The following CHST11 variants were observed in gnomAD, a reference collection of about 807,000 sequenced individuals.
CHST11 encodes C4S-1.
In CHST11, 9 loss-of-function variants were observed where a neutral mutation model predicts 30.4. The ratio of observed to expected loss-of-function variants is 0.30; its 90% CI spans 0.18 to 0.52. CHST11 has a LOEUF of 0.52. Among genes scored for constraint, CHST11 ranks in the 20% least tolerant of loss-of-function variants. The probability of loss-of-function intolerance (pLI) is 0.97; values close to 1 mark genes in which losing one functional copy is unlikely to be tolerated. For synonymous variants in CHST11, 152 were observed against 187.8 expected, an observed-to-expected ratio of 0.81 and a Z score of 1.56; for missense variants, 348 against 460.6, an observed-to-expected ratio of 0.76 and a Z score of 2.24.
At chr12:104,502,284 C>T (rs149611090) in intron 1 of CHST11, among the ~76,000 whole-genome samples, 1 of 152,002 alleles carries the variant, frequency 6.6e-6, no homozygotes, top group African/African-American at 2.4e-5. Flanking sequence ...TGGCTTTAAG[C>T]GATTCTCCTG....
chr12:104,544,828 TA>T (rs1381223894), intron 1 of CHST11, among the ~76,000 whole-genome samples: 3 of 144,538 alleles, frequency 2.1e-5, no homozygotes, highest in African/African-American at 7.6e-5. Flanking sequence ...AAAATAATAC[TA>T]AAGTCATTTT....
At chr12:104,606,228 C>G (rs571532372) in intron 2 of CHST11, among the ~76,000 whole-genome samples, 1 of 151,696 alleles carries the variant, frequency 6.6e-6, no homozygotes, top group African/African-American at 2.4e-5. Context: ...TTGGAGGCCC[C>G]CACTGAAATC....
At chr12:104,514,770 G>A (rs527940982) in intron 1 of CHST11, among the ~76,000 whole-genome samples, 7 of 152,256 alleles carry the variant, frequency 4.6e-5, no homozygotes, top group South Asian at 2.1e-4. Flanking sequence ...CAAGTCACTC[G>A]TTACCCCAGG....
chr12:104,545,345 T>G (rs1295704126), intron 1 of CHST11, among the ~76,000 whole-genome samples: 1 of 152,194 alleles, frequency 6.6e-6, no homozygotes, highest in East Asian at 1.9e-4. Flanking sequence ...ACATCAGGTG[T>G]TGTGACCCAT....
At chr12:104,725,082 GC>G (rs1305923460) in intron 2 of CHST11, among the ~76,000 whole-genome samples, 1 of 152,044 alleles carries the variant, frequency 6.6e-6, no homozygotes, top group Non-Finnish European at 1.5e-5. Context: ...TAAGCCCAGC[GC>G]CCCCATTTTG....
chr12:104,717,638 G>A (rs181414510), intron 2 of CHST11, among the ~76,000 whole-genome samples: 2 of 152,288 alleles, frequency 1.3e-5, no homozygotes, highest in African/African-American at 4.8e-5. Context: ...TGGTGTGGTG[G>A]TAGGCGCCTG....
chr12:104,585,347 A>T (rs181684962), intron 1 of CHST11, among the ~76,000 whole-genome samples: 1 of 152,192 alleles, frequency 6.6e-6, no homozygotes, highest in East Asian at 1.9e-4. Flanking sequence ...TTTGTGAAAT[A>T]ATTGTGTGTC....
At chr12:104,737,072 A>C (rs966326374) in intron 2 of CHST11, among the ~76,000 whole-genome samples, 2 of 152,362 alleles carry the variant, frequency 1.3e-5, no homozygotes, top group African/African-American at 4.8e-5. Context: ...CTGCCTCAGC[A>C]ATTAGCTATG....
At chr12:104,604,274 C>G (rs886161421) in intron 2 of CHST11, among the ~76,000 whole-genome samples, 1 of 152,142 alleles carries the variant, frequency 6.6e-6, no homozygotes, top group African/African-American at 2.4e-5. Context: ...GAGAGCAGCT[C>G]TGGGAGGCAT....
At chr12:104,606,274 C>T (rs774926769) in intron 2 of CHST11, among the ~76,000 whole-genome samples, 4 of 151,684 alleles carry the variant, frequency 2.6e-5, no homozygotes, top group Admixed American at 6.6e-5. Flanking sequence ...GTCAAGTCTT[C>T]AGGGTGCTAA....
At chr12:104,637,583 C>T (rs2039337991) in intron 2 of CHST11, among the ~76,000 whole-genome samples, 1 of 152,184 alleles carries the variant, frequency 6.6e-6, no homozygotes, top group African/African-American at 2.4e-5. Flanking sequence ...GGCTTCCTTC[C>T]TGTTGCACTT....
At chr12:104,485,953 A>G (rs2037673149) in intron 1 of CHST11, among the ~76,000 whole-genome samples, 1 of 152,188 alleles carries the variant, frequency 6.6e-6, no homozygotes, top group Admixed American at 6.5e-5. Flanking sequence ...TGCTTGGTTA[A>G]AAGCTGGAGC....
intron 2 of CHST11, among the ~76,000 whole-genome samples, chr12:104,712,620 G>T (rs146435406): frequency 6.6e-6 from 1 of 151,976 alleles, no homozygotes; most frequent in South Asian, 2.1e-4. Flanking sequence ...AGCTGGCCAC[G>T]TCTACACTAA....
At chr12:104,694,976 T>C (rs1348307838) in intron 2 of CHST11, among the ~76,000 whole-genome samples, 2 of 152,092 alleles carry the variant, frequency 1.3e-5, no homozygotes, top group Non-Finnish European at 2.9e-5. Context: ...CTTTGCTGGG[T>C]AGAAAACACA....
intron 1 of CHST11, among the ~76,000 whole-genome samples, chr12:104,562,740 G>A (rs777375614): frequency 1.3e-5 from 2 of 152,186 alleles, no homozygotes; most frequent in Non-Finnish European, 2.9e-5. Flanking sequence ...GGCCTGCCCA[G>A]GGTCCGGTAG....
At chr12:104,644,069 C>A (rs2039403792) in intron 2 of CHST11, among the ~76,000 whole-genome samples, 1 of 152,134 alleles carries the variant, frequency 6.6e-6, no homozygotes, top group Non-Finnish European at 1.5e-5. Flanking sequence ...AGCTGTCCGG[C>A]CAGTTGTGGA....
chr12:104,511,984 A>C (rs529875339), intron 1 of CHST11, among the ~76,000 whole-genome samples: 4 of 152,340 alleles, frequency 2.6e-5, no homozygotes, highest in African/African-American at 9.6e-5. Context: ...TCTCCAGATC[A>C]CTTATAATAT....
At chr12:104,538,481 C>T (rs1041309720) in intron 1 of CHST11, among the ~76,000 whole-genome samples, 4 of 152,160 alleles carry the variant, frequency 2.6e-5, no homozygotes, top group African/African-American at 7.2e-5. Context: ...CCCACTCTTC[C>T]CCTACTGTAT....
At chr12:104,505,336 C>A (rs529863441) in intron 1 of CHST11, among the ~76,000 whole-genome samples, 4 of 152,138 alleles carry the variant, frequency 2.6e-5, no homozygotes, top group Admixed American at 2.0e-4. Flanking sequence ...CCCCCCACAC[C>A]CCCCCAGCAG....
Sources: allele counts gnomAD v4.1 joint callset (sites outside exome capture counted in the v4.1 genomes callset), GRCh38; gene constraint gnomAD v4.1.1; transcripts MANE v1.5; gene names NCBI Gene and HGNC (gene_info 2026-07-23, HGNC 2026-07-21).